The following LOXL4 variants were observed in gnomAD, a reference collection of about 807,000 sequenced individuals.
The protein encoded by LOXL4 is lysyl oxidase homolog 4.
In LOXL4, 72 loss-of-function variants were observed where a neutral mutation model predicts 89.1. That is an observed-to-expected ratio of 0.81 (90% CI 0.67 to 0.98). LOXL4 has a LOEUF of 0.98. Among genes scored for constraint, LOXL4 ranks in the 50% least tolerant of loss-of-function variants. The pLI is 0.00. For synonymous variants in LOXL4, 355 were observed against 392.1 expected, an observed-to-expected ratio of 0.91 and a Z score of 1.12; for missense variants, 984 against 1,017.5, an observed-to-expected ratio of 0.97 and a Z score of 0.45.
intron 12 of LOXL4, 55 bp from the exon 13 acceptor site, chr10:98,251,757 C>CT (rs1858199486): frequency 6.3e-7 from 1 of 1,590,502 alleles, no homozygotes; most frequent in East Asian, 2.2e-5. Context: ...TCTGCTAGGT[C>CT]TTTTATTTCC....
At chr10:98,249,032 A>AGTCTCATCCCTTCCCT in intron 14 of LOXL4, 41 bp from the exon 15 acceptor site, 2 of 1,521,072 alleles carry the variant, frequency 1.3e-6, no homozygotes, top group Non-Finnish European at 1.8e-6. Context: ...CAACCTTTCC[A>AGTCTCATCCCTTCCCT]GTCTCATCCC....
chr10:98,262,620 A>G, intron 2 of LOXL4, 123 bp downstream of exon 2: 2 of 1,246,194 alleles, frequency 1.6e-6, no homozygotes, highest in Non-Finnish European at 2.3e-6. Context: ...GGCACTCAGG[A>G]AATGCCGTGT....
intron 13 of LOXL4, 108 bp downstream of exon 13, chr10:98,251,458 C>T (rs906873149): frequency 2.0e-6 from 3 of 1,467,054 alleles, no homozygotes; most frequent in African/African-American, 2.8e-5. Context: ...AGTGACAGGC[C>T]TGTCGGAAAC....
At chr10:98,258,190 A>G in intron 6 of LOXL4, 26 bp from the exon 7 acceptor site, 1 of 1,592,890 alleles carries the variant, frequency 6.3e-7, no homozygotes, top group Non-Finnish European at 8.6e-7. Context: ...TGCTTCAGGG[A>G]CGGCTGAGGA....
chr10:98,253,852 A>G, intron 10 of LOXL4, 56 bp from the exon 11 acceptor site: 1 of 1,606,464 alleles, frequency 6.2e-7, no homozygotes, highest in Non-Finnish European at 8.5e-7. Flanking sequence ...AGCCAGTCTT[A>G]GTCTCCAGCA....
intron 2 of LOXL4, among the ~76,000 whole-genome samples, 166 bp from the exon 3 acceptor site, chr10:98,262,379 G>A (rs1448609818): frequency 1.3e-5 from 2 of 152,218 alleles, no homozygotes; most frequent in Non-Finnish European, 2.9e-5. Context: ...TTATAACCCT[G>A]CCTGCTACCT....
Position 98,257,811 on chromosome 10 carries a change from G to A in LOXL4, c.1106-7C>T. 6.2e-7 allele frequency: 1 copy of A among 1,609,328 alleles called. No homozygotes were observed. Among genetic ancestry groups the A allele is most frequent in the Non-Finnish European group, 8.5e-7 (1 of 1,177,122 alleles). The stretch of plus-strand genomic sequence containing the variant: ...AGGTGGATGGGCCCTAGCCCTAGAT[G>A]GGGAGAGAGGTGCTGTGTGCGAGGC... On this transcript the variant is annotated splice_polypyrimidine_tract_variant and splice_region_variant and intron_variant, in intron 7 of 14. Coordinates refer to ENST00000260702, the MANE Select transcript of LOXL4 (RefSeq NM_032211.7).
chr10:98,253,022 G>C (rs776278858), intron 11 of LOXL4, among the ~76,000 whole-genome samples: 33 of 152,214 alleles, frequency 2.2e-4, no homozygotes, highest in Non-Finnish European at 4.6e-4. Flanking sequence ...TTTGTCACAG[G>C]CATTGTCTCT....
intron 3 of LOXL4, among the ~76,000 whole-genome samples, 193 bp downstream of exon 3, chr10:98,261,842 G>T (rs1858550612): frequency 6.6e-6 from 1 of 152,224 alleles, no homozygotes; most frequent in African/African-American, 2.4e-5. Flanking sequence ...CCTCTGGCCT[G>T]CCTTGCCTCA....
At position 98,253,180 on chromosome 10, in the gene LOXL4, G is replaced by A. The variant is rs74411013; in HGVS notation, c.1835+373C>T. On this transcript the variant is annotated intron_variant, in intron 11 of 14. Transcript: ENST00000260702. ...TCCTGCAGAGCCAGCACCCTGGATGGGATGTCTATTTTGGGCCCCCAGGTT... is the reference window on the plus strand; with the variant it reads ...TCCTGCAGAGCCAGCACCCTGGATGAGATGTCTATTTTGGGCCCCCAGGTT... Among the ~76,000 whole-genome samples the A allele has an allele frequency of 3.9e-3, 589 of 152,336 alleles. 4 individuals carry two copies. In the East Asian group the frequency reaches 0.041, roughly 11 times the overall value.
chr10:98,250,943 T>G, intron 14 of LOXL4, 122 bp downstream of exon 14: 1 of 697,796 alleles, frequency 1.4e-6, no homozygotes, highest in Non-Finnish European at 2.5e-6. Context: ...GTTCCATCCA[T>G]AGCCTTTTGC....
At position 98,259,015 on chromosome 10, in the gene LOXL4, C is replaced by T. The variant is rs1858461804; in HGVS notation, c.915G>A (p.Trp305Ter). The change falls in exon 6 of 15, where the codon TGG becomes TGA. Residue 305 changes from tryptophan to a stop codon, truncating the protein, a stop_gained. Coordinates refer to ENST00000260702, the MANE Select transcript of LOXL4 (RefSeq NM_032211.7). LOFTEE classifies it high-confidence loss of function. ...PKTKPQRKGS[W>*]AEEPRVRLRS... ...CAGGATGCCCAGGGCTCACCTCTGC[C>T]CAGGACCCTTTGCGTTGTGGCTTTG... 2 of 1,547,844 alleles carry T rather than the reference C, an allele frequency of 1.3e-6. No individual in the cohort carries two copies. The highest frequency in any genetic ancestry group is 3.9e-5 in the Admixed American group (2 of 51,006).
chr10:98,254,005 T>C (rs1858286337), intron 10 of LOXL4, among the ~76,000 whole-genome samples: 1 of 152,192 alleles, frequency 6.6e-6, no homozygotes, highest in African/African-American at 2.4e-5. Context: ...TACAGTGTCA[T>C]GGTTAGGCTT....
chr10:98,250,076 C>G (rs1401476838), intron 14 of LOXL4, among the ~76,000 whole-genome samples: 2 of 152,190 alleles, frequency 1.3e-5, no homozygotes, highest in African/African-American at 2.4e-5. Context: ...TATACAGCCC[C>G]ATTTTACAAA....
chr10:98,251,998 T>C (rs4917806), intron 12 of LOXL4: 467,150 of 485,166 alleles, frequency 0.96, 227,068 homozygotes, highest in East Asian at 1. Flanking sequence ...CTCTAAAGAT[T>C]CAGTGTTTAC....
In LOXL4 at chr10:98,262,224, G is replaced by A. The variant is rs781634058; in HGVS notation, c.278-11C>T. 4 of 1,612,834 alleles carry A rather than the reference G, an allele frequency of 2.5e-6. No homozygotes were observed. In the South Asian group the frequency reaches 4.4e-5, roughly 18 times the overall value. On this transcript the variant is annotated splice_polypyrimidine_tract_variant and intron_variant, in intron 2 of 14. Coordinates refer to ENST00000260702, the MANE Select transcript of LOXL4 (RefSeq NM_032211.7). The stretch of plus-strand genomic sequence containing the variant: ...CCAGCCAGATGGGTCCTGTGGAGTG[G>A]AGGTGATGCTCAAAGATGGCACAGA...
chr10:98,258,691 T>C (rs1460089258), intron 6 of LOXL4, among the ~76,000 whole-genome samples: 2 of 152,138 alleles, frequency 1.3e-5, no homozygotes, highest in East Asian at 3.8e-4. Flanking sequence ...GCTCATCTCC[T>C]CTTTAAAACA....
At position 98,251,619 on chromosome 10, in the gene LOXL4, C is replaced by T. The variant is rs1564755210; in HGVS notation, c.2035G>A (p.Asp679Asn). ...TCTGTGATATCCACCCACTGGCAAT[C>T]AATGTCATGCCGGTAGGTGTCCCAG... ...GCWDTYRHDI[D>N]CQWVDITDVG... Residue 679 changes from aspartate to asparagine, a missense_variant, in exon 13 of 15, where the codon GAT (aspartate) becomes AAT (asparagine). By Grantham distance (23) the Asp-to-Asn change is conservative. Coordinates refer to ENST00000260702, the MANE Select transcript of LOXL4 (RefSeq NM_032211.7). 2.5e-6 allele frequency: 4 copies of T among 1,614,158 alleles called. No homozygotes were observed. Among genetic ancestry groups the T allele is most frequent in the Non-Finnish European group, 2.5e-6 (3 of 1,180,066 alleles).
intron 11 of LOXL4, 70 bp from the exon 12 acceptor site, chr10:98,252,538 A>G (rs1280045928): frequency 9.4e-7 from 1 of 1,060,458 alleles, no homozygotes; most frequent in Non-Finnish European, 1.4e-6. Flanking sequence ...GCTGGTAGGG[A>G]AGACAGGCCC....
Sources: gnomAD v4.1 joint callset for allele counts (sites outside exome capture counted in the v4.1 genomes callset) on GRCh38, gnomAD v4.1.1 for gene constraint, MANE v1.5 for transcripts, NCBI Gene and HGNC (gene_info 2026-07-23, HGNC 2026-07-21) for gene names.